Variants in GLRX3 observed in about 807,000 individuals in gnomAD.
The protein encoded by GLRX3 is glutaredoxin-3.
GLRX3 carries 22 observed loss-of-function variants against 49.5 expected under a neutral mutation model. That is an observed-to-expected ratio of 0.44 (90% CI 0.32 to 0.63). GLRX3 has a LOEUF of 0.63. GLRX3 is among the 30% of genes least tolerant of loss of function. The pLI, the probability that GLRX3 is intolerant of heterozygous loss-of-function variation, is 0.05. For missense variants in GLRX3, 385 were observed against 396.3 expected, an observed-to-expected ratio of 0.97 and a Z score of 0.24; for synonymous variants, 133 against 140.0, an observed-to-expected ratio of 0.95 and a Z score of 0.35.
At chr10:130,147,454 A>G (rs148310692) in intron 2 of GLRX3, among the ~76,000 whole-genome samples, 133 of 152,328 alleles carry the variant, frequency 8.7e-4, no homozygotes, top group Non-Finnish European at 2.2e-4. Context: ...GTGCTTAAGT[A>G]TCTCTGTGAG....
intron 2 of GLRX3, among the ~76,000 whole-genome samples, chr10:130,153,277 G>A (rs899112219): frequency 2.6e-4 from 39 of 152,136 alleles, no homozygotes; most frequent in African/African-American, 7.5e-4. Flanking sequence ...TGTTATTACC[G>A]ATCTTCTGAA....
At chr10:130,136,558 C>G (rs1006607263) in intron 1 of GLRX3, 46 bp downstream of exon 1, 1 of 1,246,594 alleles carries the variant, frequency 8.0e-7, no homozygotes, top group Middle Eastern at 3.1e-4. Context: ...GGAGCGGGAG[C>G]GGCCGCGAGA....
intron 8 of GLRX3, 68 bp downstream of exon 8, chr10:130,171,704 G>A (rs1031947684): frequency 2.2e-5 from 19 of 877,868 alleles, no homozygotes; most frequent in South Asian, 1.5e-4. Context: ...AGTGGCTCAC[G>A]TCTATAATCC....
At chr10:130,168,055 T>G (rs1239784195) in intron 6 of GLRX3, among the ~76,000 whole-genome samples, 1 of 152,234 alleles carries the variant, frequency 6.6e-6, no homozygotes, top group African/African-American at 2.4e-5. Context: ...CACTTGCCGC[T>G]GTTAATGGCC....
chr10:130,139,040 T>G (rs1322502105), intron 1 of GLRX3, among the ~76,000 whole-genome samples: 1 of 151,752 alleles, frequency 6.6e-6, no homozygotes, highest in Non-Finnish European at 1.5e-5. Flanking sequence ...TTTTGCATTT[T>G]TAGTAGAGAT....
intron 4 of GLRX3, 110 bp downstream of exon 4, chr10:130,161,107 C>T: frequency 1.4e-6 from 1 of 708,928 alleles, no homozygotes; most frequent in Non-Finnish European, 2.5e-6. Context: ...ACATCTTATA[C>T]TTGTGTTCAC....
At chr10:130,171,706 C>A in intron 8 of GLRX3, 70 bp downstream of exon 8, 1 of 868,488 alleles carries the variant, frequency 1.2e-6, no homozygotes, top group South Asian at 1.3e-5. Context: ...TGGCTCACGT[C>A]TATAATCCTA....
At chr10:130,169,566 T>C (rs1344636719) in intron 7 of GLRX3, 76 bp downstream of exon 7, 1 of 930,770 alleles carries the variant, frequency 1.1e-6, no homozygotes, top group African/African-American at 1.6e-5. Flanking sequence ...AGTTAAATCT[T>C]TTTCCTAGCT....
Position 130,136,451 on chromosome 10 carries a change from G to T in GLRX3, c.31G>T (p.Ala11Ser), listed in dbSNP as rs928082150. The T allele has an allele frequency of 3.2e-6, 4 of 1,262,470 alleles. No homozygotes were observed. Among genetic ancestry groups the T allele is most frequent in the African/African-American group, 1.5e-5 (1 of 64,734 alleles). The allele number at this position is 1,262,470 out of a possible 1,614,324, so 78.2% of individuals were successfully genotyped here. A position where few individuals can be genotyped will look rare whatever the true frequency, so the allele number is the denominator to read the frequency against. The change falls in exon 1 of 11, where the codon GCG becomes TCG. Residue 11 changes from alanine to serine, a missense_variant. Physicochemically the swap from Ala to Ser is moderately conservative, Grantham distance 99. Coordinates refer to ENST00000331244, the MANE Select transcript of GLRX3 (RefSeq NM_006541.5). Reference sequence around the variant, plus strand: ...GGCGGGGGCGGCTGAGGCAGCTGTAGCGGCCGTGGAGGAGGTCGGCTCAGC... The same window carrying T: ...GGCGGGGGCGGCTGAGGCAGCTGTATCGGCCGTGGAGGAGGTCGGCTCAGC... MAAGAAEAAV[A>S]AVEEVGSAGQ... is the part of the protein sequence containing the mutation.
At chr10:130,176,212 CAG>C (rs1218160899) in intron 10 of GLRX3, among the ~76,000 whole-genome samples, 1 of 151,768 alleles carries the variant, frequency 6.6e-6, no homozygotes, top group Non-Finnish European at 1.5e-5. Flanking sequence ...CTCTGCCTCC[CAG>C]GTTCATGTGA....
intron 8 of GLRX3, among the ~76,000 whole-genome samples, chr10:130,171,960 G>A (rs1250319096): frequency 6.6e-6 from 1 of 152,022 alleles, no homozygotes; most frequent in Non-Finnish European, 1.5e-5. Context: ...GCAAGACCCT[G>A]TCTCAAAAAA....
intron 8 of GLRX3, among the ~76,000 whole-genome samples, chr10:130,174,477 A>C (rs1005920460): frequency 9.9e-5 from 15 of 152,266 alleles, no homozygotes; most frequent in African/African-American, 3.6e-4. Context: ...TTATATTGGC[A>C]CATAGCCACA....
At chr10:130,147,341 A>G (rs777084206) in intron 2 of GLRX3, among the ~76,000 whole-genome samples, 2 of 152,236 alleles carry the variant, frequency 1.3e-5, no homozygotes, top group Non-Finnish European at 2.9e-5. Context: ...GGTTTAGGTA[A>G]CACATTGTTC....
At chr10:130,172,835 A>T (rs1024567713) in intron 8 of GLRX3, among the ~76,000 whole-genome samples, 1 of 152,106 alleles carries the variant, frequency 6.6e-6, no homozygotes, top group African/African-American at 2.4e-5. Context: ...CCAGCCACTC[A>T]GGAGGCTGAG....
intron 2 of GLRX3, 165 bp from the exon 3 acceptor site, chr10:130,159,830 G>A: frequency 1.5e-6 from 2 of 1,358,726 alleles, no homozygotes; most frequent in South Asian, 1.9e-5. Flanking sequence ...TGACATGCCA[G>A]CCCAGTGAGT....
At chr10:130,164,650 G>C (rs996557578) in intron 4 of GLRX3, among the ~76,000 whole-genome samples, 1 of 152,146 alleles carries the variant, frequency 6.6e-6, no homozygotes, top group East Asian at 1.9e-4. Flanking sequence ...TTAAAAAAAG[G>C]TGTGTAAATA....
At chr10:130,158,063 A>T (rs1235219310) in intron 2 of GLRX3, among the ~76,000 whole-genome samples, 1 of 152,128 alleles carries the variant, frequency 6.6e-6, no homozygotes, top group Non-Finnish European at 1.5e-5. Context: ...GTCTCTTGTT[A>T]TGAGGATCCC....
intron 7 of GLRX3, 25 bp from the exon 8 acceptor site, chr10:130,171,559 T>A (rs1862808854): frequency 2.2e-6 from 3 of 1,376,528 alleles, no homozygotes; most frequent in Admixed American, 1.7e-5. Context: ...AAAATTGTAA[T>A]CTTTGCAAAT....
intron 1 of GLRX3, 103 bp downstream of exon 1, chr10:130,136,615 C>A (rs1003720930): frequency 1.1e-4 from 130 of 1,211,042 alleles, no homozygotes; most frequent in Non-Finnish European, 1.3e-4. Flanking sequence ...CTTCTTGGTG[C>A]CCGGCTCCCT....
Sources: allele counts gnomAD v4.1 joint callset (sites outside exome capture counted in the v4.1 genomes callset), GRCh38; gene constraint gnomAD v4.1.1; transcripts MANE v1.5; gene names NCBI Gene and HGNC (gene_info 2026-07-23, HGNC 2026-07-21).